The following C14orf180 variants were observed in gnomAD, a reference collection of about 807,000 sequenced individuals.
C14orf180 encodes the protein nutritionally-regulated adipose and cardiac enriched protein homolog.
In C14orf180, 13 loss-of-function variants were observed where a neutral mutation model predicts 13.9. The observed-to-expected ratio is 0.94, with a 90% CI of 0.61 to 1.49. The LOEUF (loss-of-function observed/expected upper bound fraction) is 1.49. C14orf180 is among the 40% of genes most tolerant of loss of function. The pLI is 0.00. For synonymous variants in C14orf180, 113 were observed against 106.3 expected (o/e 1.06, Z -0.39); for missense variants, 238 against 232.0 (o/e 1.03, Z -0.17).
intron 1 of C14orf180, among the ~76,000 whole-genome samples, chr14:104,580,624 G>A (rs553768602): frequency 6.6e-6 from 1 of 152,340 alleles, no homozygotes; most frequent in South Asian, 2.1e-4. Context: ...AGTAACTGAA[G>A]CCTAGTTCTC....
intron 1 of C14orf180, 110 bp from the exon 2 acceptor site, chr14:104,586,305 C>A: frequency 1.5e-6 from 1 of 686,874 alleles, no homozygotes; most frequent in Non-Finnish European, 2.3e-6. Context: ...CGGTCGCAAG[C>A]CCGGGAAGCC....
Position 104,588,793 on chromosome 14 carries a change from CGGG to C in C14orf180, c.*11_*13del, listed in dbSNP as rs1566738299. On this transcript the variant is annotated 3_prime_UTR_variant, in exon 5 of 5. Transcript: ENST00000557649. ...CCTCCTGCGGCTCTGACGGGCAGGA[CGGG>C]CAGGACGGGCAGGGCTTCCAGGAGA... 7 of 1,528,292 alleles carry C rather than the reference CGGG, an allele frequency of 4.6e-6. No homozygotes were observed. In the African/African-American group the frequency reaches 8.2e-5, roughly 18 times the overall value. 94.7% of individuals were successfully genotyped at this position (1,528,292 alleles called of 1,614,324 possible). A position where few individuals can be genotyped will look rare whatever the true frequency, so the allele number is the denominator to read the frequency against.
In C14orf180 at chr14:104,587,707, C is replaced by T. The variant is rs73361819; in HGVS notation, c.112-42C>T. Reference sequence around the variant, plus strand: ...GCTCAGACCTGGGTACCAGCGGCCTCCCGCCGGGGACTCACCAGTCTGCTT... The same window carrying T: ...GCTCAGACCTGGGTACCAGCGGCCTTCCGCCGGGGACTCACCAGTCTGCTT... On this transcript the variant is annotated intron_variant, in intron 2 of 4. Coordinates refer to ENST00000557649, the MANE Select transcript of C14orf180 (RefSeq NM_001008404.3). 0.024 allele frequency: 38,477 copies of T among 1,605,348 alleles called. 6,980 individuals are homozygous for T. In the African/African-American group the frequency reaches 0.42, roughly 18 times the overall value.
Position 104,581,637 on chromosome 14 carries a change from CAGAG to C in C14orf180, c.-17+1659_-17+1662del, listed in dbSNP as rs35642910. On this transcript the variant is annotated intron_variant, in intron 1 of 4. Transcript: ENST00000557649. ...CAGCAGGAGCCCAGGTGGGCAGGGG[CAGAG>C]AGAGAGAGAGAGAGAGAGAGAGAGT... The C allele has an allele frequency of 7.0e-3, 954 of 136,664 alleles. 5 individuals are homozygous for C. Among genetic ancestry groups the C allele is most frequent in the Non-Finnish European group, 8.5e-3 (542 of 63,714 alleles). The allele number at this position is 136,664 out of a possible 1,614,324, so 8.5% of individuals were successfully genotyped here. A position where few individuals can be genotyped will look rare whatever the true frequency, so the allele number is the denominator to read the frequency against.
chr14:104,587,773 T>C lies in C14orf180; in HGVS notation c.136T>C (p.Ser46Pro), dbSNP rs759269377. 4 of 1,612,052 alleles carry C rather than the reference T, an allele frequency of 2.5e-6. No homozygotes were observed. The East Asian group carries it at 6.7e-5, about 27-fold the overall frequency. ...EREDNRKCPPSILKRSRPEHH... is the reference protein window; with the variant it reads ...EREDNRKCPPPILKRSRPEHH... ...GGAGGACAACAGGAAGTGCCCCCCC[T>C]CCATCCTGAAACGGAGCCGGCCGGA... The change falls in exon 3 of 5, where the codon TCC (serine) becomes CCC (proline). Residue 46 changes from serine (S) to proline (P), a missense_variant. Ser to Pro is a moderately conservative substitution (Grantham distance 74). Coordinates refer to ENST00000557649, the MANE Select transcript of C14orf180 (RefSeq NM_001008404.3).
Position 104,586,572 on chromosome 14 carries a change from C to T in C14orf180, c.111+31C>T, listed in dbSNP as rs747075355. 6 of 1,406,758 alleles carry T rather than the reference C, an allele frequency of 4.3e-6. No homozygotes were observed. The South Asian group carries it at 8.2e-5, about 19-fold the overall frequency. 87.1% of individuals were successfully genotyped at this position (1,406,758 alleles called of 1,614,324 possible). A position where few individuals can be genotyped will look rare whatever the true frequency, so the allele number is the denominator to read the frequency against. ...GCGGGCCGCTGGGACACAGCTTCTG[C>T]AAGCTGGCCTTCCACTGGGGGCTGG... On this transcript the variant is annotated intron_variant, in intron 2 of 4. Transcript: ENST00000557649.
At position 104,588,538 on chromosome 14, in the gene C14orf180, G is replaced by A. The variant is rs201205928; in HGVS notation, c.278-40G>A. On this transcript the variant is annotated intron_variant, in intron 4 of 4. Coordinates refer to ENST00000557649, the MANE Select transcript of C14orf180 (RefSeq NM_001008404.3). ...AGCCCCAGTCCTCCAGGGAAGGGTC[G>A]CGCTGGCTGGCGCTGACCCTGCCTG... 69 of 1,440,940 alleles carry A rather than the reference G, an allele frequency of 4.8e-5. No individual in the cohort carries two copies. In the South Asian group the frequency reaches 6.0e-4, roughly 12 times the overall value. The allele number at this position is 1,440,940 out of a possible 1,614,324, so 89.3% of individuals were successfully genotyped here.
chr14:104,587,514 G>A (rs1048487426), intron 2 of C14orf180, among the ~76,000 whole-genome samples: 1 of 152,132 alleles, frequency 6.6e-6, no homozygotes, highest in African/African-American at 2.4e-5. Context: ...TGAAGAGACG[G>A]GGTCAGGAGG....
chr14:104,588,155 G>T, intron 3 of C14orf180, 119 bp from the exon 4 acceptor site: 1 of 1,263,524 alleles, frequency 7.9e-7, no homozygotes. Context: ...GCTGGGCCTG[G>T]GTCTCTCACT....
At position 104,587,822 on chromosome 14, in the gene C14orf180, C is replaced by T; in HGVS notation, c.185C>T (p.Pro62Leu). The change falls in exon 3 of 5, where the codon CCC (proline) becomes CTC (leucine). Residue 62 changes from proline (P) to leucine (L), a missense_variant. Transcript: ENST00000557649. ...RPEHHRPEAKPQRTSRRVWFR... is the reference protein window; with the variant it reads ...RPEHHRPEAKLQRTSRRVWFR... ...GAGCACCACCGCCCAGAGGCCAAGC[C>T]CCAGAGGACCTCGAGGCGCGTGTGG... The T allele has an allele frequency of 6.2e-7, 1 of 1,612,260 alleles. No homozygotes were observed. The highest frequency in any genetic ancestry group is 1.1e-5 in the South Asian group (1 of 90,686).
intron 2 of C14orf180, 134 bp downstream of exon 2, chr14:104,586,675 G>A (rs1886638287): frequency 1.6e-5 from 3 of 193,298 alleles, no homozygotes; most frequent in Non-Finnish European, 1.1e-5. Context: ...AGGGCAGGGG[G>A]ATCACTGAGG....
chr14:104,588,710 C>A lies in C14orf180; in HGVS notation c.410C>A (p.Ala137Asp). The stretch of plus-strand genomic sequence containing the variant: ...GCAACGGCACTGGAGGACCTGCGGG[C>A]CCGGCTCCTCGGCCTTGTCCTGCAC... ...PVATALEDLR[A>D]RLLGLVLHLR... is the part of the protein sequence containing the mutation. The change falls in exon 5 of 5, where the codon GCC (alanine) becomes GAC (aspartate). Residue 137 changes from alanine to aspartate, a missense_variant. Transcript: ENST00000557649. The A allele has an allele frequency of 3.9e-6, 6 of 1,535,662 alleles. No homozygotes were observed. The South Asian group carries it at 4.8e-5, about 12-fold the overall frequency.
Position 104,589,938 on chromosome 14 carries a change from G to T in C14orf180, c.*1155G>T, listed in dbSNP as rs530803125. The T allele has an allele frequency of 6.6e-6, 1 of 152,314 alleles. No individual in the cohort carries two copies. The highest frequency in any genetic ancestry group is 2.1e-4 in the South Asian group (1 of 4,822). The allele number at this position is 152,314 out of a possible 1,614,324, so 9.4% of individuals were successfully genotyped here. ...CCAAAGCGGATGTCCTGGGCGCCTG[G>T]AACCTCCCCATCTCCTGCAGGCCTG... is the stretch of plus-strand genomic sequence containing the variant. On this transcript the variant is annotated 3_prime_UTR_variant, in exon 5 of 5. Coordinates refer to ENST00000557649, the MANE Select transcript of C14orf180 (RefSeq NM_001008404.3). This position sits in a 1 kb window ranked among gnomAD's most constrained non-coding sequence, Gnocchi z 4.9.
At chr14:104,585,865 G>T (rs1188054542) in intron 1 of C14orf180, among the ~76,000 whole-genome samples, 1 of 152,082 alleles carries the variant, frequency 6.6e-6, no homozygotes, top group Non-Finnish European at 1.5e-5. Context: ...CCGTGCTGAG[G>T]GGTGGGCCCC....
intron 2 of C14orf180, 50 bp downstream of exon 2, chr14:104,586,591 G>A: frequency 8.3e-7 from 1 of 1,209,974 alleles, no homozygotes; most frequent in South Asian, 1.5e-5. Context: ...CTTCCACTGG[G>A]GGCTGGAGGG....
In C14orf180 at chr14:104,587,857, C is replaced by A. The variant is rs754270740; in HGVS notation, c.220C>A (p.Pro74Thr). 3.7e-6 allele frequency: 6 copies of A among 1,609,140 alleles called. No homozygotes were observed. Among genetic ancestry groups the A allele is most frequent in the Admixed American group, 1.7e-5 (1 of 59,504 alleles). Reference sequence around the variant, plus strand: ...CTCGAGGCGCGTGTGGTTCCGAGAACCCCCAGCGGTGACCGTCCACTGTAA... The same window carrying A: ...CTCGAGGCGCGTGTGGTTCCGAGAAACCCCAGCGGTGACCGTCCACTGTAA... ...RTSRRVWFREPPAVTVHYIAD... is the reference protein window; with the variant it reads ...RTSRRVWFRETPAVTVHYIAD... The change falls in exon 3 of 5, where the codon CCC becomes ACC. Residue 74 changes from proline to threonine, a missense_variant. By Grantham distance (38) the Pro-to-Thr change is conservative. Coordinates refer to ENST00000557649, the MANE Select transcript of C14orf180 (RefSeq NM_001008404.3).
At chr14:104,580,332 G>A (rs1886394194) in intron 1 of C14orf180, among the ~76,000 whole-genome samples, 1 of 152,228 alleles carries the variant, frequency 6.6e-6, no homozygotes, top group African/African-American at 2.4e-5. Context: ...GGCCGGCCCT[G>A]TGTCCACACT....
chr14:104,580,065 G>A lies in C14orf180; in HGVS notation c.-17+62G>A, dbSNP rs189514440. On this transcript the variant is annotated intron_variant, in intron 1 of 4. Transcript: ENST00000557649. ...TGCTTGGGTATGAAGATGCCAGAGCGGAGAGATTGCCAAAGGCAGGTGCAG... is the reference window on the plus strand; with the variant it reads ...TGCTTGGGTATGAAGATGCCAGAGCAGAGAGATTGCCAAAGGCAGGTGCAG... 18 of 152,476 alleles carry A rather than the reference G, an allele frequency of 1.2e-4. No individual in the cohort carries two copies. The East Asian group carries it at 2.7e-3, about 23-fold the overall frequency. 9.4% of individuals were successfully genotyped at this position (152,476 alleles called of 1,614,324 possible).
rs1242884921 is a variant in C14orf180, at chr14:104,589,728, C to G, written c.*945C>G. On this transcript the variant is annotated 3_prime_UTR_variant, in exon 5 of 5. Transcript: ENST00000557649. This position sits in a 1 kb window ranked among gnomAD's most constrained non-coding sequence, Gnocchi z 4.9. ...AGAGACACAGGGACAATCAGACCAG[C>G]GTCCTCGAGGTTAGCCTGAGGCGGG... 3 of 152,416 alleles carry G rather than the reference C, an allele frequency of 2.0e-5. No individual in the cohort carries two copies. The highest frequency in any genetic ancestry group is 4.4e-5 in the Non-Finnish European group (3 of 68,038). The allele number at this position is 152,416 out of a possible 1,614,324, so 9.4% of individuals were successfully genotyped here.
Sources: gnomAD v4.1 joint callset for allele counts (sites outside exome capture counted in the v4.1 genomes callset) on GRCh38, gnomAD v4.1.1 for gene constraint, Gnocchi (gnomAD v3.1) non-coding constraint, MANE v1.5 for transcripts, NCBI Gene and HGNC (gene_info 2026-07-23, HGNC 2026-07-21) for gene names.